The following ARL1 variants were observed in gnomAD, a reference collection of about 807,000 sequenced individuals.
ARL1 encodes ARF like GTPase 1.
Under a neutral mutation model 30.1 loss-of-function variants are expected in ARL1, and 17 were observed. The ratio of observed to expected loss-of-function variants is 0.56; its 90% CI spans 0.39 to 0.85. ARL1 has a LOEUF of 0.85. ARL1 is among the 40% of genes least tolerant of loss of function. The pLI is 0.00. For synonymous variants in ARL1, 58 were observed against 71.7 expected (o/e 0.81, Z 0.97); for missense variants, 102 against 212.6 (o/e 0.48, Z 3.24).
Position 101,394,912 on chromosome 12 carries a change from G to A in ARL1, c.*728C>T, listed in dbSNP as rs1244520109. The A allele has an allele frequency of 5.3e-5, 8 of 152,066 alleles. No individual in the cohort carries two copies. The highest frequency in any genetic ancestry group is 1.2e-4 in the Non-Finnish European group (8 of 68,024). 9.4% of individuals were successfully genotyped at this position (152,066 alleles called of 1,614,324 possible). ...CTATTCCTACCTTACAAGCTAGCAGGTGACCTTGGGCAAGCCAACCTATTA... is the reference window on the plus strand; with the variant it reads ...CTATTCCTACCTTACAAGCTAGCAGATGACCTTGGGCAAGCCAACCTATTA... On this transcript the variant is annotated 3_prime_UTR_variant, in exon 6 of 6. Transcript: ENST00000261636.
intron 3 of ARL1, 95 bp from the exon 4 acceptor site, chr12:101,401,268 C>G: frequency 1.1e-5 from 8 of 760,534 alleles, no homozygotes; most frequent in Non-Finnish European, 1.8e-5. Context: ...ATGTTAGAAT[C>G]AATGCCTTAA....
intron 1 of ARL1, among the ~76,000 whole-genome samples, chr12:101,406,351 T>C (rs1038081577): frequency 6.6e-6 from 1 of 152,132 alleles, no homozygotes; most frequent in African/African-American, 2.4e-5. Flanking sequence ...AGTGGGACAA[T>C]GTAATCCTCG....
intron 2 of ARL1, among the ~76,000 whole-genome samples, chr12:101,405,209 C>T (rs909766624): frequency 6.6e-6 from 1 of 152,096 alleles, no homozygotes; most frequent in African/African-American, 2.4e-5. Flanking sequence ...TACTTCAACA[C>T]TCAGTCTCTG....
Position 101,407,739 on chromosome 12 carries a change from G to A in ARL1, c.-94C>T. 14 of 1,577,534 alleles carry A rather than the reference G, an allele frequency of 8.9e-6. No individual in the cohort carries two copies. The highest frequency in any genetic ancestry group is 1.2e-5 in the Non-Finnish European group (14 of 1,153,286). ...GTTTCCTCGCAAGCCCAGTCAGCCA[G>A]CAACTTCCACGTCGGACTCCAGGCG... On this transcript the variant is annotated 5_prime_UTR_variant, in exon 1 of 6. Transcript: ENST00000261636.
intron 4 of ARL1, among the ~76,000 whole-genome samples, chr12:101,396,943 G>A (rs964548686): frequency 2.0e-5 from 3 of 152,022 alleles, no homozygotes; most frequent in African/African-American, 7.2e-5. Context: ...ATAAAAAAAT[G>A]GCTAAATATG....
At chr12:101,407,775 C>T, upstream of ARL1, 1 of 1,366,352 alleles carries the variant, frequency 7.3e-7, no homozygotes, top group Non-Finnish European at 1.0e-6. Context: ...GGGGCGGGAG[C>T]GAGGGTCAGC....
intron 3 of ARL1, 129 bp from the exon 4 acceptor site, chr12:101,401,302 T>C: frequency 1.6e-6 from 1 of 626,020 alleles, no homozygotes; most frequent in Non-Finnish European, 2.8e-6. Flanking sequence ...CTGGTGGATA[T>C]ATGTACCATA....
intron 4 of ARL1, 28 bp from the exon 5 acceptor site, chr12:101,396,605 C>A (rs760673081): frequency 1.6e-5 from 26 of 1,588,302 alleles, no homozygotes; most frequent in Non-Finnish European, 2.0e-5. Context: ...TATTTAATTT[C>A]TTTTAACTAA....
intron 2 of ARL1, 99 bp downstream of exon 2, chr12:101,405,745 C>G: frequency 1.5e-6 from 2 of 1,300,746 alleles, no homozygotes; most frequent in Non-Finnish European, 2.0e-6. Context: ...GTGATGATAC[C>G]TGATCTCTAC....
At chr12:101,406,332 AAGG>A (rs1871439520) in intron 1 of ARL1, among the ~76,000 whole-genome samples, 1 of 152,200 alleles carries the variant, frequency 6.6e-6, no homozygotes, top group Non-Finnish European at 1.5e-5. Flanking sequence ...AGGGGCCAGT[AAGG>A]AGGATAGTGG....
intron 2 of ARL1, 33 bp downstream of exon 2, chr12:101,405,811 T>C (rs1389024569): frequency 6.6e-7 from 1 of 1,515,512 alleles, no homozygotes; most frequent in African/African-American, 1.4e-5. Context: ...GACCAGAAAG[T>C]CCCTACAATT....
At chr12:101,398,779 T>C (rs1397190841) in intron 4 of ARL1, among the ~76,000 whole-genome samples, 1 of 152,140 alleles carries the variant, frequency 6.6e-6, no homozygotes, top group Non-Finnish European at 1.5e-5. Context: ...GACTCGTACT[T>C]GGCCCATACT....
At chr12:101,407,529 C>T in intron 1 of ARL1, 113 bp downstream of exon 1, 5 of 1,434,082 alleles carry the variant, frequency 3.5e-6, no homozygotes, top group Non-Finnish European at 4.8e-6. Flanking sequence ...GACCCGCCCC[C>T]TGAGGAGCTG....
intron 3 of ARL1, among the ~76,000 whole-genome samples, chr12:101,402,205 C>A (rs1041979280): frequency 6.6e-6 from 1 of 152,018 alleles, no homozygotes; most frequent in African/African-American, 2.4e-5. Context: ...TTTTTTGAGA[C>A]AGAGTCTTGC....
At chr12:101,402,531 G>A (rs543598595) in intron 3 of ARL1, among the ~76,000 whole-genome samples, 2 of 152,224 alleles carry the variant, frequency 1.3e-5, no homozygotes, top group East Asian at 1.9e-4. Flanking sequence ...ATGCCTGCAA[G>A]GTACTTTAAT....
In ARL1 at chr12:101,395,195, C is replaced by T. The variant is rs1024260059; in HGVS notation, c.*445G>A. 1 of 153,958 alleles carries T rather than the reference C, an allele frequency of 6.5e-6. No individual in the cohort carries two copies. The highest frequency in any genetic ancestry group is 2.4e-5 in the African/African-American group (1 of 41,482). The allele number at this position is 153,958 out of a possible 1,614,324, so 9.5% of individuals were successfully genotyped here. ...GCAAATAAAGATTATATTACACAAA[C>T]TATGTTCCTCACCTACTCTCATACT... On this transcript the variant is annotated 3_prime_UTR_variant, in exon 6 of 6. Transcript: ENST00000261636.
intron 5 of ARL1, 59 bp from the exon 6 acceptor site, chr12:101,395,729 TC>T: frequency 7.9e-7 from 1 of 1,268,278 alleles, no homozygotes; most frequent in Non-Finnish European, 1.1e-6. Context: ...AGCATGATCA[TC>T]TATAATAAAC....
At chr12:101,406,308 A>T (rs1321443485) in intron 1 of ARL1, among the ~76,000 whole-genome samples, 1 of 152,008 alleles carries the variant, frequency 6.6e-6, no homozygotes, top group Non-Finnish European at 1.5e-5. Flanking sequence ...TCCCCTCACT[A>T]CCCCTAAAAA....
intron 3 of ARL1, among the ~76,000 whole-genome samples, chr12:101,401,752 T>C (rs958254564): frequency 6.6e-6 from 1 of 151,632 alleles, no homozygotes; most frequent in Non-Finnish European, 1.5e-5. Flanking sequence ...TTATAATCTA[T>C]GAAATCACTA....
Sources: allele counts gnomAD v4.1 joint callset (sites outside exome capture counted in the v4.1 genomes callset), GRCh38; gene constraint gnomAD v4.1.1; transcripts MANE v1.5; gene names NCBI Gene and HGNC (gene_info 2026-07-23, HGNC 2026-07-21).